The following GALNTL6 variants were observed in gnomAD, a reference collection of about 807,000 sequenced individuals.
The protein encoded by GALNTL6 is polypeptide N-acetylgalactosaminyltransferase-like 6.
GALNTL6 carries 46 observed loss-of-function variants against 73.7 expected under a neutral mutation model. That is an observed-to-expected ratio of 0.62 (90% CI 0.49 to 0.80). The LOEUF (loss-of-function observed/expected upper bound fraction) is 0.80, where lower values mean the gene tolerates loss of function less well. GALNTL6 is among the 30% of genes least tolerant of loss of function. The pLI is 0.00. For missense variants in GALNTL6, 604 were observed against 755.0 expected (o/e 0.80, Z 2.34); for synonymous variants, 259 against 263.7 (o/e 0.98, Z 0.17).
chr4:172,030,905 C>T (rs1300660097), intron 2 of GALNTL6, among the ~76,000 whole-genome samples: 1 of 151,744 alleles, frequency 6.6e-6, no homozygotes, highest in Non-Finnish European at 1.5e-5. Flanking sequence ...AAAATAAACT[C>T]GCAGTCTTAA....
At chr4:172,991,439 C>A (rs2126456423) in intron 10 of GALNTL6, among the ~76,000 whole-genome samples, 1 of 151,936 alleles carries the variant, frequency 6.6e-6, no homozygotes, top group East Asian at 1.9e-4. Flanking sequence ...TGCTCTGTCA[C>A]CCAGGCTGCA....
rs144958924 is a variant in GALNTL6, at chr4:171,914,196, G to A, written c.138+99478G>A. On this transcript the variant is annotated intron_variant, in intron 2 of 12. Transcript: ENST00000506823. ...GGTAAGTAATAAAACACCCCTAGCC[G>A]TTGCTAGTTGGGTTGTTTGCCCAGG... Among the ~76,000 whole-genome samples, 9 of 152,180 alleles carry A rather than the reference G, an allele frequency of 5.9e-5. No homozygotes were observed. The East Asian group carries it at 7.7e-4, about 13-fold the overall frequency.
At chr4:172,277,367 T>G (rs1738871119) in intron 3 of GALNTL6, among the ~76,000 whole-genome samples, 1 of 152,306 alleles carries the variant, frequency 6.6e-6, no homozygotes, top group East Asian at 1.9e-4. Context: ...GGAGCTGTCT[T>G]AACACTGGGT....
At chr4:172,222,998 G>T (rs1177668170) in intron 2 of GALNTL6, among the ~76,000 whole-genome samples, 2 of 151,914 alleles carry the variant, frequency 1.3e-5, no homozygotes, top group African/African-American at 4.8e-5. Context: ...AAATTTTTAA[G>T]TCAAGATTTT....
At chr4:173,037,646 G>C (rs1022358380) in intron 12 of GALNTL6, among the ~76,000 whole-genome samples, 17 of 152,164 alleles carry the variant, frequency 1.1e-4, no homozygotes, top group African/African-American at 4.1e-4. Context: ...GGGAAGAAAA[G>C]AGAATAGAAA....
At chr4:172,439,657 C>T (rs908082404) in intron 5 of GALNTL6, among the ~76,000 whole-genome samples, 1 of 151,674 alleles carries the variant, frequency 6.6e-6, no homozygotes, top group Non-Finnish European at 1.5e-5. Flanking sequence ...TTCTCCTAAA[C>T]TTCAGAATGT....
chr4:173,007,805 C>CA (rs929615467), intron 10 of GALNTL6, among the ~76,000 whole-genome samples: 202 of 141,584 alleles, frequency 1.4e-3, no homozygotes, highest in East Asian at 8.8e-3. Context: ...AACTTGGTCT[C>CA]AAAAAAAAAA....
chr4:172,555,764 T>A (rs1272061263), intron 5 of GALNTL6, among the ~76,000 whole-genome samples: 1 of 152,090 alleles, frequency 6.6e-6, no homozygotes, highest in African/African-American at 2.4e-5. Context: ...TAAACAAATA[T>A]ATTTTAAAAG....
chr4:172,771,655 C>T (rs2110865176), intron 5 of GALNTL6, among the ~76,000 whole-genome samples: 1 of 152,270 alleles, frequency 6.6e-6, no homozygotes, highest in African/African-American at 2.4e-5. Flanking sequence ...CCATGTTCGT[C>T]AAAGAATGGT....
At chr4:172,859,713 T>A (rs547329153) in intron 7 of GALNTL6, among the ~76,000 whole-genome samples, 9 of 152,260 alleles carry the variant, frequency 5.9e-5, no homozygotes, top group Admixed American at 2.6e-4. Context: ...CAAAACTTCA[T>A]TTGTATTTAC....
intron 4 of GALNTL6, among the ~76,000 whole-genome samples, chr4:172,316,866 A>C (rs1262299945): frequency 6.6e-6 from 1 of 152,204 alleles, no homozygotes; most frequent in Non-Finnish European, 1.5e-5. Flanking sequence ...TGTCAAACTT[A>C]AGTCATGGAT....
At chr4:171,973,489 C>T (rs927064213) in intron 2 of GALNTL6, among the ~76,000 whole-genome samples, 4 of 152,024 alleles carry the variant, frequency 2.6e-5, no homozygotes, top group Non-Finnish European at 5.9e-5. Context: ...ATTTCTGTCA[C>T]GTTTTCACAT....
intron 5 of GALNTL6, among the ~76,000 whole-genome samples, chr4:172,450,244 TC>T (rs1421369216): frequency 6.7e-6 from 1 of 149,600 alleles, no homozygotes; most frequent in African/African-American, 2.5e-5. Flanking sequence ...ACAAACTTCC[TC>T]CCCCTAAACT....
At chr4:172,204,564 ATAT>A (rs1423126907) in intron 2 of GALNTL6, among the ~76,000 whole-genome samples, 1 of 152,188 alleles carries the variant, frequency 6.6e-6, no homozygotes, top group African/African-American at 2.4e-5. Flanking sequence ...ATTTTTAATA[ATAT>A]TGTGTATTCT....
intron 5 of GALNTL6, among the ~76,000 whole-genome samples, chr4:172,801,336 A>G (rs1227690024): frequency 1.3e-5 from 2 of 152,204 alleles, no homozygotes; most frequent in African/African-American, 4.8e-5. Flanking sequence ...GCATTCTAAG[A>G]GTAGATGCTC....
chr4:172,832,748 C>T (rs562503118), intron 7 of GALNTL6, among the ~76,000 whole-genome samples: 41 of 152,104 alleles, frequency 2.7e-4, no homozygotes, highest in African/African-American at 3.6e-4. Flanking sequence ...ACAACTGGGC[C>T]GCGGTCTTGA....
At chr4:172,742,992 A>C (rs1470081398) in intron 5 of GALNTL6, among the ~76,000 whole-genome samples, 3 of 152,036 alleles carry the variant, frequency 2.0e-5, no homozygotes, top group African/African-American at 7.2e-5. Flanking sequence ...AATCCCAATT[A>C]ATCATGCTCA....
At chr4:171,875,538 G>A (rs1736253853) in intron 2 of GALNTL6, among the ~76,000 whole-genome samples, 2 of 151,986 alleles carry the variant, frequency 1.3e-5, no homozygotes, top group South Asian at 4.2e-4. Context: ...CTAACAGCAG[G>A]GCAGTGTTGC....
intron 8 of GALNTL6, among the ~76,000 whole-genome samples, chr4:172,917,018 CA>C (rs1198831109): frequency 1.3e-5 from 2 of 152,162 alleles, no homozygotes; most frequent in Non-Finnish European, 2.9e-5. Context: ...CTACAGTAAC[CA>C]AAACAGCATG....
Sources: allele counts gnomAD v4.1 joint callset (sites outside exome capture counted in the v4.1 genomes callset), GRCh38; gene constraint gnomAD v4.1.1; transcripts MANE v1.5; gene names NCBI Gene and HGNC (gene_info 2026-07-23, HGNC 2026-07-21).